RAPGEF1: variants seen among roughly 807,000 people sequenced by gnomAD.
RAPGEF1 encodes Rap guanine nucleotide exchange factor 1, also known as CRK SH3-binding GNRP.
In RAPGEF1, 33 loss-of-function variants were observed where a neutral mutation model predicts 143.3. The observed-to-expected ratio is 0.23, with a 90% CI of 0.17 to 0.31. The LOEUF is 0.31. Among genes scored for constraint, RAPGEF1 ranks in the 10% least tolerant of loss-of-function variants. The pLI is 1.00. For synonymous variants in RAPGEF1, 629 were observed against 676.5 expected (o/e 0.93, Z 1.09); for missense variants, 1,199 against 1,645.4 (o/e 0.73, Z 4.69).
chr9:131,675,981 A>G lies in RAPGEF1; in HGVS notation c.62-25032T>C, dbSNP rs1335086556. Among the ~76,000 whole-genome samples, 4 of 151,806 alleles carry G rather than the reference A, an allele frequency of 2.6e-5. No homozygotes were observed. The highest frequency in any genetic ancestry group is 6.6e-5 in the Admixed American group (1 of 15,242). The stretch of plus-strand genomic sequence containing the variant: ...TAGTGGCATGGTCGTAGCTCACTAC[A>G]GCCTTGAACTCCTGGGCTCAAGTGA... On this transcript the variant is annotated intron_variant, in intron 1 of 26. Transcript: ENST00000683357. The surrounding 1 kb of genome is among the most constrained non-coding windows in gnomAD (Gnocchi z 4.6).
intron 3 of RAPGEF1, among the ~76,000 whole-genome samples, chr9:131,646,180 T>A (rs769969689): frequency 6.6e-6 from 1 of 152,116 alleles, no homozygotes. Context: ...CCCTGTGAAG[T>A]GGATACTATT....
chr9:131,609,759 G>GT (rs1243838714), intron 12 of RAPGEF1, among the ~76,000 whole-genome samples: 2 of 152,168 alleles, frequency 1.3e-5, no homozygotes, highest in Non-Finnish European at 2.9e-5. Flanking sequence ...CCAGGCACCA[G>GT]TTTTTTTTCT....
In RAPGEF1 at chr9:131,587,221, AACAC is replaced by A. The variant is rs367860435; in HGVS notation, c.3233+511_3233+514del. 2.0e-3 allele frequency among the ~76,000 whole-genome samples: 119 copies of A among 60,634 alleles called. 4 individuals carry two copies. Among genetic ancestry groups the A allele is most frequent in the Admixed American group, 3.0e-3 (20 of 6,588 alleles). The allele number at this position is 60,634 out of a possible 152,430, so 39.8% of individuals were successfully genotyped here. A position where few individuals can be genotyped will look rare whatever the true frequency, so the allele number is the denominator to read the frequency against. On this transcript the variant is annotated intron_variant, in intron 22 of 26. Coordinates refer to ENST00000683357, the MANE Select transcript of RAPGEF1 (RefSeq NM_001377935.1). ...ACCTGCAGAGCGAGACTCCGTCTCA[AACAC>A]ACACACACACACACACACCTGCAGA... is the stretch of plus-strand genomic sequence containing the variant.
chr9:131,717,620 G>A (rs1039911331), intron 1 of RAPGEF1, among the ~76,000 whole-genome samples: 7 of 151,992 alleles, frequency 4.6e-5, no homozygotes, highest in Non-Finnish European at 8.8e-5. Context: ...AAAAACACAA[G>A]ATATTAGCGA....
intron 12 of RAPGEF1, among the ~76,000 whole-genome samples, chr9:131,610,987 G>A (rs967290671): frequency 6.6e-6 from 1 of 152,134 alleles, no homozygotes; most frequent in African/African-American, 2.4e-5. Flanking sequence ...CTTTCCTTAC[G>A]GTCCCAATTA....
chr9:131,673,822 GATGGGGCCCATC>G (rs1831810192), intron 1 of RAPGEF1, among the ~76,000 whole-genome samples: 2 of 152,328 alleles, frequency 1.3e-5, no homozygotes, highest in South Asian at 4.1e-4. Flanking sequence ...CCACTAGGTA[GATGGGGCCCATC>G]ATGTACTCAT....
chr9:131,613,905 G>A (rs1958447864), intron 12 of RAPGEF1, among the ~76,000 whole-genome samples: 1 of 152,186 alleles, frequency 6.6e-6, no homozygotes, highest in Non-Finnish European at 1.5e-5. Context: ...AGACTACATT[G>A]TGCTGCTAAA....
At chr9:131,598,364 G>A in intron 15 of RAPGEF1, 54 bp from the exon 16 acceptor site, 2 of 1,482,908 alleles carry the variant, frequency 1.3e-6, no homozygotes, top group Non-Finnish European at 1.9e-6. Flanking sequence ...AGCTCCCGAT[G>A]CCTGGAGGCC....
At chr9:131,662,739 C>T (rs1368850937) in intron 1 of RAPGEF1, among the ~76,000 whole-genome samples, 1 of 152,016 alleles carries the variant, frequency 6.6e-6, no homozygotes, top group East Asian at 1.9e-4. Context: ...GACAGGGTTT[C>T]ACCATTTCGG....
At position 131,628,901 on chromosome 9, in the gene RAPGEF1, C is replaced by T. The variant is rs1964070245; in HGVS notation, c.893+201G>A. Among the ~76,000 whole-genome samples the T allele has an allele frequency of 6.6e-6, 1 of 152,172 alleles. No homozygotes were observed. Among genetic ancestry groups the T allele is most frequent in the African/African-American group, 2.4e-5 (1 of 41,442 alleles). ...TTTCATAATAAATCATACCATGTCTCCCTGGGCTGAGGGCACAAGGAGGCC... is the reference window on the plus strand; with the variant it reads ...TTTCATAATAAATCATACCATGTCTTCCTGGGCTGAGGGCACAAGGAGGCC... On this transcript the variant is annotated intron_variant, in intron 7 of 26. Transcript: ENST00000683357. The surrounding 1 kb of genome is among the most constrained non-coding windows in gnomAD (Gnocchi z 5.7).
intron 1 of RAPGEF1, among the ~76,000 whole-genome samples, chr9:131,726,291 C>A (rs972422489): frequency 6.6e-6 from 1 of 152,062 alleles, no homozygotes; most frequent in African/African-American, 2.4e-5. Context: ...TGTACTTACA[C>A]GGTATTCTGG....
intron 1 of RAPGEF1, among the ~76,000 whole-genome samples, chr9:131,700,510 T>C (rs1834550161): frequency 1.3e-5 from 2 of 152,188 alleles, no homozygotes; most frequent in African/African-American, 4.8e-5. Context: ...ATTTTCCTCA[T>C]TAGGTATCCC....
chr9:131,609,155 A>G (rs957971022), intron 12 of RAPGEF1, among the ~76,000 whole-genome samples: 2 of 151,986 alleles, frequency 1.3e-5, no homozygotes, highest in Non-Finnish European at 2.9e-5. Context: ...CCCTGGTCAC[A>G]TAGCCAGTCG....
chr9:131,728,282 G>C (rs920661400), intron 1 of RAPGEF1, among the ~76,000 whole-genome samples: 5 of 152,176 alleles, frequency 3.3e-5, no homozygotes, highest in African/African-American at 1.2e-4. Context: ...AATGTCTTGT[G>C]GTTTTTAACT....
intron 11 of RAPGEF1, 119 bp from the exon 12 acceptor site, chr9:131,619,325 T>C (rs1960030438): frequency 1.1e-6 from 1 of 877,372 alleles, no homozygotes; most frequent in East Asian, 6.5e-5. Context: ...ACAGACGTTC[T>C]GGAGAGGGAT....
intron 1 of RAPGEF1, among the ~76,000 whole-genome samples, chr9:131,723,772 C>A (rs576606708): frequency 4.6e-5 from 7 of 152,284 alleles, no homozygotes; most frequent in African/African-American, 1.7e-4. Flanking sequence ...CCTGCTTTCC[C>A]TTCTTTTGCG....
chr9:131,633,825 A>T (rs1026982134), intron 5 of RAPGEF1, among the ~76,000 whole-genome samples: 5 of 152,230 alleles, frequency 3.3e-5, no homozygotes, highest in Admixed American at 6.5e-5. Flanking sequence ...AAATGTGCAC[A>T]TATCTGGCTA....
At chr9:131,588,156 C>T (rs1392948128) in intron 20 of RAPGEF1, 130 bp from the exon 21 acceptor site, 6 of 772,164 alleles carry the variant, frequency 7.8e-6, no homozygotes, top group South Asian at 5.0e-5. Context: ...GGCTACAGGG[C>T]GGGGAAGCCC....
At chr9:131,601,301 T>G (rs1378352521) in intron 15 of RAPGEF1, among the ~76,000 whole-genome samples, 1 of 151,938 alleles carries the variant, frequency 6.6e-6, no homozygotes, top group African/African-American at 2.4e-5. Flanking sequence ...CAACATCACA[T>G]GCACACATAT....
Sources: gnomAD v4.1 joint callset for allele counts (sites outside exome capture counted in the v4.1 genomes callset) on GRCh38, gnomAD v4.1.1 for gene constraint, Gnocchi (gnomAD v3.1) non-coding constraint, MANE v1.5 for transcripts, NCBI Gene and HGNC (gene_info 2026-07-23, HGNC 2026-07-21) for gene names.